ARMH4: variants seen among roughly 807,000 people sequenced by gnomAD.
ARMH4 encodes the protein armadillo like helical domain containing 4, also known as armadillo-like helical domain-containing protein 4.
A neutral mutation model predicts 61.9 loss-of-function variants in ARMH4; 49 were observed. That is an observed-to-expected ratio of 0.79 (90% confidence interval 0.63 to 1.00). The LOEUF (loss-of-function observed/expected upper bound fraction) is 1.00, where lower values mean the gene tolerates loss of function less well. Ranked by LOEUF, ARMH4 falls within the 50% of genes least tolerant of loss-of-function variation. The probability of loss-of-function intolerance (pLI) is 0.00; values close to 1 mark genes in which losing one functional copy is unlikely to be tolerated. For synonymous variants in ARMH4, 368 were observed against 341.5 expected, an observed-to-expected ratio of 1.08 and a Z score of -0.85; for missense variants, 934 against 930.0, an observed-to-expected ratio of 1.00 and a Z score of -0.06.
At chr14:58,127,932 C>G (rs550899220) in intron 4 of ARMH4, among the ~76,000 whole-genome samples, 1 of 152,118 alleles carries the variant, frequency 6.6e-6, no homozygotes. Context: ...TTCTTATCTC[C>G]CATATGTTCT....
At chr14:58,107,678 C>A (rs954022119) in intron 4 of ARMH4, among the ~76,000 whole-genome samples, 5 of 150,118 alleles carry the variant, frequency 3.3e-5, no homozygotes, top group African/African-American at 1.2e-4. Context: ...GCAGGAGAAT[C>A]GCTTGAACCC....
Position 58,138,986 on chromosome 14 carries a change from C to T in ARMH4, c.373G>A (p.Val125Ile), listed in dbSNP as rs752077118. The change falls in exon 2 of 8, where the codon GTA becomes ATA. Residue 125 changes from valine to isoleucine, a missense_variant. By Grantham distance (29) the Val-to-Ile change is conservative. Coordinates refer to ENST00000267485, the MANE Select transcript of ARMH4 (RefSeq NM_001001872.4). ...TESGVPSAEE[V>I]FGSSQPERIS... is the part of the protein sequence containing the mutation. ...CTCTCTGGCTGGCTGGAACCAAATACTTCTTCAGCTGAGGGGACACCTGAC... is the reference window on the plus strand; with the variant it reads ...CTCTCTGGCTGGCTGGAACCAAATATTTCTTCAGCTGAGGGGACACCTGAC... The T allele has an allele frequency of 1.9e-6, 3 of 1,614,226 alleles. No homozygotes were observed. Among genetic ancestry groups the T allele is most frequent in the Non-Finnish European group, 1.7e-6 (2 of 1,180,050 alleles).
At chr14:58,016,425 T>C (rs976616755) in intron 5 of ARMH4, among the ~76,000 whole-genome samples, 1 of 152,200 alleles carries the variant, frequency 6.6e-6, no homozygotes, top group Non-Finnish European at 1.5e-5. Context: ...ATTTGAACAA[T>C]GCACATCAAA....
At chr14:58,038,899 T>C (rs1883582843) in intron 5 of ARMH4, among the ~76,000 whole-genome samples, 1 of 152,350 alleles carries the variant, frequency 6.6e-6, no homozygotes, top group East Asian at 1.9e-4. Flanking sequence ...TTAGAGTTCA[T>C]GGACCCCTAG....
At chr14:58,007,378 C>T (rs1249110172) in intron 6 of ARMH4, among the ~76,000 whole-genome samples, 8 of 152,106 alleles carry the variant, frequency 5.3e-5, no homozygotes, top group South Asian at 2.1e-4. Context: ...TAAAACTGTA[C>T]GTACTCATCA....
chr14:58,046,817 G>T (rs1566556474), intron 5 of ARMH4, among the ~76,000 whole-genome samples: 1 of 152,168 alleles, frequency 6.6e-6, no homozygotes, highest in Non-Finnish European at 1.5e-5. Flanking sequence ...TGGCCCTCCA[G>T]TGCTAACAAA....
At chr14:58,092,680 C>T (rs573315538) in intron 5 of ARMH4, among the ~76,000 whole-genome samples, 6 of 152,254 alleles carry the variant, frequency 3.9e-5, no homozygotes, top group Admixed American at 6.5e-5. Context: ...TACATCACTC[C>T]GACCTCGCTC....
intron 5 of ARMH4, among the ~76,000 whole-genome samples, chr14:58,048,044 G>A (rs1883998402): frequency 6.6e-6 from 1 of 152,130 alleles, no homozygotes; most frequent in East Asian, 1.9e-4. Context: ...ATGATAGGGA[G>A]GAAACTGTTA....
intron 5 of ARMH4, among the ~76,000 whole-genome samples, chr14:58,023,894 T>C (rs1882932274): frequency 6.6e-6 from 1 of 152,208 alleles, no homozygotes; most frequent in Non-Finnish European, 1.5e-5. Context: ...AGTAATAATT[T>C]GAAAGCAGTC....
At chr14:58,083,774 T>C (rs928117752) in intron 5 of ARMH4, among the ~76,000 whole-genome samples, 2 of 152,216 alleles carry the variant, frequency 1.3e-5, no homozygotes, top group Non-Finnish European at 2.9e-5. Flanking sequence ...GGACAACCCT[T>C]GCTGACTGGA....
At chr14:58,057,520 T>C (rs1328726821) in intron 5 of ARMH4, among the ~76,000 whole-genome samples, 3 of 151,984 alleles carry the variant, frequency 2.0e-5, no homozygotes, top group Admixed American at 1.3e-4. Context: ...GCTCAAAAGG[T>C]GGTACTCTTG....
rs888301787 is a variant in ARMH4 at position 58,003,613 on chromosome 14, C to T, written c.*1123G>A. The stretch of plus-strand genomic sequence containing the variant: ...CTATTTTGTATAGGGCAGGGAATTA[C>T]ATTCCAAGGGAGATGAGAAATGATT... On this transcript the variant is annotated 3_prime_UTR_variant, in exon 8 of 8. Transcript: ENST00000267485. 1 of 152,220 alleles carries T rather than the reference C, an allele frequency of 6.6e-6. No individual in the cohort carries two copies. Among genetic ancestry groups the T allele is most frequent in the African/African-American group, 2.4e-5 (1 of 41,450 alleles). 9.4% of individuals were successfully genotyped at this position (152,220 alleles called of 1,614,324 possible). A position where few individuals can be genotyped will look rare whatever the true frequency, so the allele number is the denominator to read the frequency against.
chr14:58,114,583 T>A (rs1886459157), intron 4 of ARMH4, among the ~76,000 whole-genome samples: 1 of 152,194 alleles, frequency 6.6e-6, no homozygotes, highest in African/African-American at 2.4e-5. Context: ...GCATCCATAC[T>A]CAAAATCATC....
At chr14:58,045,619 A>G (rs943854420) in intron 5 of ARMH4, among the ~76,000 whole-genome samples, 1 of 152,126 alleles carries the variant, frequency 6.6e-6, no homozygotes, top group East Asian at 1.9e-4. Context: ...AATAAAAAAA[A>G]AAAAAGAAAC....
chr14:58,019,848 A>G (rs913163692), intron 5 of ARMH4, among the ~76,000 whole-genome samples: 2 of 152,100 alleles, frequency 1.3e-5, no homozygotes, highest in Non-Finnish European at 2.9e-5. Context: ...CATGCATCCT[A>G]CCAATGGATG....
At chr14:58,045,456 C>A (rs1883900786) in intron 5 of ARMH4, among the ~76,000 whole-genome samples, 1 of 152,038 alleles carries the variant, frequency 6.6e-6, no homozygotes, top group Admixed American at 6.5e-5. Flanking sequence ...ACACCGGGCC[C>A]TGTTGTGGGG....
chr14:58,047,083 C>A (rs886390583), intron 5 of ARMH4, among the ~76,000 whole-genome samples: 2 of 152,200 alleles, frequency 1.3e-5, no homozygotes, highest in African/African-American at 4.8e-5. Flanking sequence ...CCCCTCCACT[C>A]TTTTCTCTAA....
intron 5 of ARMH4, among the ~76,000 whole-genome samples, chr14:58,057,564 G>A (rs552474743): frequency 3.8e-5 from 5 of 133,002 alleles, no homozygotes; most frequent in Non-Finnish European, 6.0e-5. Context: ...GTGTGTGTGT[G>A]TGTGTCTGTG....
At chr14:58,105,561 C>A (rs1886142227) in intron 4 of ARMH4, among the ~76,000 whole-genome samples, 1 of 152,030 alleles carries the variant, frequency 6.6e-6, no homozygotes, top group African/African-American at 2.4e-5. Context: ...GTGGCACATG[C>A]CTGTAGTCCC....
Sources: allele counts gnomAD v4.1 joint callset (sites outside exome capture counted in the v4.1 genomes callset), GRCh38; gene constraint gnomAD v4.1.1; transcripts MANE v1.5; gene names NCBI Gene and HGNC (gene_info 2026-07-23, HGNC 2026-07-21).